Variants in ADCY8 observed in about 807,000 individuals in gnomAD.
ADCY8 encodes adenylate cyclase type 8.
ADCY8 carries 51 observed loss-of-function variants against 119.7 expected under a neutral mutation model. The ratio of observed to expected loss-of-function variants is 0.43; its 90% CI spans 0.34 to 0.54. The LOEUF (loss-of-function observed/expected upper bound fraction) is 0.54, where lower values mean the gene tolerates loss of function less well. Among genes scored for constraint, ADCY8 ranks in the 20% least tolerant of loss-of-function variants. The pLI, the probability that ADCY8 is intolerant of heterozygous loss-of-function variation, is 0.03. For synonymous variants in ADCY8, 665 were observed against 651.0 expected (o/e 1.02, Z -0.33); for missense variants, 1,383 against 1,598.8 (o/e 0.87, Z 2.30).
chr8:130,800,596 A>C, intron 14 of ADCY8, 24 bp from the exon 15 acceptor site: 1 of 1,612,798 alleles, frequency 6.2e-7, no homozygotes, highest in East Asian at 2.2e-5. Flanking sequence ...CACAGAGGGC[A>C]CCAGAAATGG....
intron 15 of ADCY8, among the ~76,000 whole-genome samples, chr8:130,788,903 G>T (rs1815339868): frequency 6.6e-6 from 1 of 152,086 alleles, no homozygotes; most frequent in African/African-American, 2.4e-5. Context: ...TACACTAAGT[G>T]AAAGAAGCCA....
intron 14 of ADCY8, among the ~76,000 whole-genome samples, chr8:130,806,304 T>G (rs564392102): frequency 1.3e-5 from 2 of 152,326 alleles, no homozygotes; most frequent in South Asian, 4.1e-4. Flanking sequence ...CTGGTTCCAG[T>G]AACTGCTTTT....
In ADCY8 at chr8:130,780,371, A is replaced by AAAC. The variant is rs541652421; in HGVS notation, c.*16_*18dup. On this transcript the variant is annotated 3_prime_UTR_variant, in exon 18 of 18. Coordinates refer to ENST00000286355, the MANE Select transcript of ADCY8 (RefSeq NM_001115.3). The stretch of plus-strand genomic sequence containing the variant: ...TATATAAAAGAAATACAAAAAAAAA[A>AAAC]AACAGAAAGAAAATGCTTTTATGGC... 2,540 of 1,404,698 alleles carry AAAC rather than the reference A, an allele frequency of 1.8e-3. 2 individuals are homozygous for AAAC. The highest frequency in any genetic ancestry group is 2.2e-3 in the Non-Finnish European group (2,358 of 1,074,500). 87.0% of individuals were successfully genotyped at this position (1,404,698 alleles called of 1,614,324 possible). A position where few individuals can be genotyped will look rare whatever the true frequency, so the allele number is the denominator to read the frequency against.
intron 14 of ADCY8, among the ~76,000 whole-genome samples, chr8:130,805,271 G>T (rs931074549): frequency 8.5e-5 from 13 of 152,138 alleles, no homozygotes; most frequent in African/African-American, 3.1e-4. Context: ...GAAACTGGGG[G>T]ATACAGAGAT....
intron 12 of ADCY8, among the ~76,000 whole-genome samples, chr8:130,828,804 G>A (rs1412226512): frequency 6.6e-6 from 1 of 152,162 alleles, no homozygotes; most frequent in Non-Finnish European, 1.5e-5. Context: ...AGTTAGAATG[G>A]TACTTACTTA....
At chr8:130,906,414 A>G (rs912141688) in intron 6 of ADCY8, among the ~76,000 whole-genome samples, 4 of 152,182 alleles carry the variant, frequency 2.6e-5, no homozygotes, top group African/African-American at 9.7e-5. Flanking sequence ...TTCTATTTTT[A>G]TTATTCTGCT....
chr8:130,869,398 C>T (rs1003469530), intron 8 of ADCY8, among the ~76,000 whole-genome samples: 57 of 151,986 alleles, frequency 3.8e-4, no homozygotes, highest in Non-Finnish European at 7.6e-4. Context: ...ATTAATTAGC[C>T]ACAAAGCAGT....
At position 130,821,389 on chromosome 8, in the gene ADCY8, G is replaced by A. The variant is rs866344510; in HGVS notation, c.2707C>T (p.Leu903=). The A allele has an allele frequency of 1.2e-6, 2 of 1,613,476 alleles. No individual in the cohort carries two copies. Among genetic ancestry groups the A allele is most frequent in the Middle Eastern group, 3.3e-4 (2 of 6,056 alleles). ...GCCAGGAGGAACATGGCCATCAGTAGCAGTGATACCTCCTTGGTCCCCAGG... is the reference window on the plus strand; with the variant it reads ...GCCAGGAGGAACATGGCCATCAGTAACAGTGATACCTCCTTGGTCCCCAGG... ...DFLGTKEVSL[L]LMAMFLLAVF... Residue 903 remains leucine, a synonymous_variant, in exon 13 of 18, where the codon CTA becomes TTA. Coordinates refer to ENST00000286355, the MANE Select transcript of ADCY8 (RefSeq NM_001115.3).
chr8:130,783,495 C>T (rs900368469), intron 17 of ADCY8, among the ~76,000 whole-genome samples, 196 bp downstream of exon 17: 3 of 152,262 alleles, frequency 2.0e-5, no homozygotes, highest in African/African-American at 7.2e-5. Context: ...GTATCCTACT[C>T]TTGTTTCCAG....
chr8:131,026,145 C>T (rs1823816511), intron 1 of ADCY8, among the ~76,000 whole-genome samples: 1 of 152,092 alleles, frequency 6.6e-6, no homozygotes, highest in African/African-American at 2.4e-5. Flanking sequence ...AAAATGCTAA[C>T]CCTAAGGTGA....
intron 3 of ADCY8, among the ~76,000 whole-genome samples, chr8:130,948,734 C>T (rs1273634781): frequency 6.6e-6 from 1 of 150,790 alleles, no homozygotes; most frequent in Non-Finnish European, 1.5e-5. Context: ...GAAATGATTT[C>T]AAAAATGCTC....
chr8:130,937,192 G>T lies in ADCY8; in HGVS notation c.1362C>A (p.His454Gln). The T allele has an allele frequency of 6.2e-7, 1 of 1,613,622 alleles. No individual in the cohort carries two copies. The highest frequency in any genetic ancestry group is 1.1e-5 in the South Asian group (1 of 91,018). Residue 454 changes from histidine (H) to glutamine (Q), a missense_variant, in exon 5 of 18, where the codon CAC becomes CAA. His to Gln is a conservative substitution (Grantham distance 24, BLOSUM62 0). Coordinates refer to ENST00000286355, the MANE Select transcript of ADCY8 (RefSeq NM_001115.3). ...ARFDRLAHEH[H>Q]CLRIKILGDC... is the part of the protein sequence containing the mutation. The stretch of plus-strand genomic sequence containing the variant: ...CCCCCAGGATTTTAATACGAAGGCA[G>T]TGATGCTCCTGGAAGGAACAGGATA...
intron 14 of ADCY8, among the ~76,000 whole-genome samples, chr8:130,813,298 T>G (rs544130564): frequency 6.6e-6 from 1 of 152,316 alleles, no homozygotes; most frequent in South Asian, 2.1e-4. Flanking sequence ...ATAGTCACAT[T>G]GTTGTGCAAC....
chr8:131,028,110 T>C (rs1048162178), intron 1 of ADCY8, among the ~76,000 whole-genome samples: 1 of 152,230 alleles, frequency 6.6e-6, no homozygotes, highest in Non-Finnish European at 1.5e-5. Flanking sequence ...ACTATCCTTC[T>C]TTTAGACATG....
chr8:130,783,384 T>A (rs755922363), intron 17 of ADCY8, among the ~76,000 whole-genome samples: 4 of 152,206 alleles, frequency 2.6e-5, no homozygotes, highest in Non-Finnish European at 1.5e-5. Context: ...CAGCTACATC[T>A]CTATGCACGA....
intron 4 of ADCY8, 92 bp from the exon 5 acceptor site, chr8:130,937,292 G>T: frequency 2.3e-6 from 3 of 1,330,006 alleles, no homozygotes; most frequent in East Asian, 2.7e-5. Context: ...AGGGTTAGGT[G>T]GTCTGCAACT....
At chr8:130,893,323 T>C (rs927060447) in intron 7 of ADCY8, among the ~76,000 whole-genome samples, 1 of 152,146 alleles carries the variant, frequency 6.6e-6, no homozygotes, top group African/African-American at 2.4e-5. Context: ...AGGTACGATC[T>C]AGGAATGGAG....
intron 4 of ADCY8, among the ~76,000 whole-genome samples, chr8:130,942,482 C>G (rs66900327): frequency 0.14 from 21,897 of 152,142 alleles, 1,713 homozygotes; most frequent in African/African-American, 0.2. Context: ...GGTGTGTTTT[C>G]ATCATTCTCA....
At chr8:130,867,465 G>A (rs1818168563) in intron 9 of ADCY8, among the ~76,000 whole-genome samples, 1 of 152,186 alleles carries the variant, frequency 6.6e-6, no homozygotes, top group African/African-American at 2.4e-5. Flanking sequence ...TATTATTAAA[G>A]TGTTGATTTT....
Sources: allele counts gnomAD v4.1 joint callset (sites outside exome capture counted in the v4.1 genomes callset), GRCh38; gene constraint gnomAD v4.1.1; transcripts MANE v1.5; gene names NCBI Gene and HGNC (gene_info 2026-07-23, HGNC 2026-07-21).